The following SLC5A6 variants were observed in gnomAD, a reference collection of about 807,000 sequenced individuals.
SLC5A6 encodes solute carrier family 5 member 6.
In SLC5A6, 31 loss-of-function variants were observed where a neutral mutation model predicts 67.9. The ratio of observed to expected loss-of-function variants is 0.46; its 90% confidence interval spans 0.34 to 0.62. The LOEUF (loss-of-function observed/expected upper bound fraction) is 0.62. Ranked by LOEUF, SLC5A6 falls within the 20% of genes least tolerant of loss-of-function variation. SLC5A6 has a pLI of 0.01. For synonymous variants in SLC5A6, 343 were observed against 331.0 expected (o/e 1.04, Z -0.39); for missense variants, 673 against 812.8 (o/e 0.83, Z 2.09).
rs528496797 is a variant in SLC5A6 at position 27,206,854 on chromosome 2, G to A, written c.459+23C>T. 355 of 1,595,986 alleles carry A rather than the reference G, an allele frequency of 2.2e-4. 1 individual carries two copies. The highest frequency in any genetic ancestry group is 8.3e-4 in the Middle Eastern group (5 of 6,026). On this transcript the variant is annotated intron_variant, in intron 4 of 16. Coordinates refer to ENST00000310574, the MANE Select transcript of SLC5A6 (RefSeq NM_021095.4). ...GGTCCCCCAACATGCCCTAGGCTCG[G>A]TTTCTATCCTCATTCTGCTTACCAT...
chr2:27,204,703 C>T (rs1055964026), intron 8 of SLC5A6, 88 bp downstream of exon 8: 2 of 1,599,766 alleles, frequency 1.3e-6, no homozygotes, highest in African/African-American at 1.3e-5. Flanking sequence ...GATGTGTATG[C>T]ACTCTGGCAT....
At chr2:27,210,414 C>G (rs990459991) in intron 2 of SLC5A6, among the ~76,000 whole-genome samples, 7 of 151,550 alleles carry the variant, frequency 4.6e-5, no homozygotes, top group Non-Finnish European at 1.0e-4. Context: ...AAGGCACAAA[C>G]AGCAGATTGT....
intron 7 of SLC5A6, 77 bp from the exon 8 acceptor site, chr2:27,205,008 G>C: frequency 6.4e-7 from 1 of 1,567,148 alleles, no homozygotes; most frequent in African/African-American, 1.3e-5. Flanking sequence ...ACAGGAGTCA[G>C]TGGACAGGAA....
chr2:27,205,381 C>G lies in SLC5A6; in HGVS notation c.703G>C (p.Ala235Pro). ...VGGLGRVWAV[A>P]SQHGRISGFE... ...CCAGAGATGCGGCCGTGCTGGGAAG[C>G]CACGGCCCACACACGCCCCAAGCCG... Residue 235 changes from alanine to proline, a missense_variant, in exon 7 of 17, where the codon GCT becomes CCT. Coordinates refer to ENST00000310574, the MANE Select transcript of SLC5A6 (RefSeq NM_021095.4). The G allele has an allele frequency of 6.2e-7, 1 of 1,614,128 alleles. No individual in the cohort carries two copies. Among genetic ancestry groups the G allele is most frequent in the Non-Finnish European group, 8.5e-7 (1 of 1,180,008 alleles).
chr2:27,204,690 G>C (rs1673917881), intron 8 of SLC5A6, 100 bp from the exon 9 acceptor site: 15 of 1,590,964 alleles, frequency 9.4e-6, no homozygotes, highest in Admixed American at 1.7e-5. Flanking sequence ...CCTGACCACA[G>C]TGGATGTGTA....
chr2:27,212,373 C>T (rs774303259), upstream of SLC5A6: 3 of 1,550,396 alleles, frequency 1.9e-6, no homozygotes, highest in East Asian at 2.4e-5. Flanking sequence ...CGGAAAATGG[C>T]GCCTCACGAC....
chr2:27,203,207 G>T (rs372963385), intron 11 of SLC5A6, 26 bp downstream of exon 11: 19 of 1,613,712 alleles, frequency 1.2e-5, no homozygotes, highest in African/African-American at 2.7e-5. Context: ...GACCCAGACT[G>T]AAGAGATGAG....
chr2:27,207,490 T>C lies in SLC5A6; in HGVS notation c.161A>G (p.His54Arg), dbSNP rs755179815. Reference protein sequence around the residue: ...LYHACRGWGRHTVGELLMADR... With the variant: ...LYHACRGWGRRTVGELLMADR... The stretch of plus-strand genomic sequence containing the variant: ...CGCCATCAGCAGCTCACCAACAGTA[T>C]GCCGGCCCCAGCCACGACAAGCATG... Residue 54 changes from histidine (H) to arginine (R), a missense_variant, in exon 3 of 17, where the codon CAT becomes CGT. By Grantham distance (29) the His-to-Arg change is conservative (BLOSUM62 0). Coordinates refer to ENST00000310574, the MANE Select transcript of SLC5A6 (RefSeq NM_021095.4). The surrounding 1 kb of genome is among the most constrained non-coding windows in gnomAD (Gnocchi z 5.5). The C allele has an allele frequency of 1.2e-6, 2 of 1,614,162 alleles. No homozygotes were observed. The highest frequency in any genetic ancestry group is 1.7e-6 in the Non-Finnish European group (2 of 1,180,036).
chr2:27,212,603 G>T, upstream of SLC5A6: 1 of 1,437,726 alleles, frequency 7.0e-7, no homozygotes, highest in East Asian at 2.6e-5. Context: ...ACCCTGCCCA[G>T]CCAGGTCCTG....
At chr2:27,202,145 A>G in intron 12 of SLC5A6, 71 bp from the exon 13 acceptor site, 1 of 1,076,240 alleles carries the variant, frequency 9.3e-7, no homozygotes, top group African/African-American at 1.5e-5. Flanking sequence ...ACCATAAAGC[A>G]TAGCCACCAG....
chr2:27,210,855 C>G (rs1229321498), intron 2 of SLC5A6, among the ~76,000 whole-genome samples: 6 of 152,096 alleles, frequency 3.9e-5, no homozygotes, highest in Admixed American at 3.3e-4. Context: ...AACCCCGTCT[C>G]TACTAAAAAA....
upstream of SLC5A6, chr2:27,212,720 C>A (rs988694419): frequency 5.0e-6 from 6 of 1,188,782 alleles, no homozygotes; most frequent in East Asian, 1.5e-4. Context: ...ACTTTAAGTT[C>A]TTTCTACAGA....
In SLC5A6 at chr2:27,201,394, G is replaced by A; in HGVS notation, c.1604C>T (p.Ser535Phe). 1 of 1,613,636 alleles carries A rather than the reference G, an allele frequency of 6.2e-7. No homozygotes were observed. The highest frequency in any genetic ancestry group is 8.5e-7 in the Non-Finnish European group (1 of 1,179,578). ...LSYLWYSAHN[S>F]TTVIVVGLIV... is the part of the protein sequence containing the mutation. ...CAGGCCCACCACAATCACTGTGGTGGAGTTGTGAGCACTGTACCATAAGTA... is the reference window on the plus strand; with the variant it reads ...CAGGCCCACCACAATCACTGTGGTGAAGTTGTGAGCACTGTACCATAAGTA... Residue 535 changes from serine to phenylalanine, a missense_variant, in exon 15 of 17, where the codon TCC (serine) becomes TTC (phenylalanine). Transcript: ENST00000310574.
chr2:27,212,528 T>C, upstream of SLC5A6: 1 of 1,506,156 alleles, frequency 6.6e-7, no homozygotes, highest in East Asian at 2.5e-5. Context: ...TGCGTCGCGC[T>C]CGCCAGCGGC....
chr2:27,206,017 T>C lies in SLC5A6; in HGVS notation c.579+9A>G, dbSNP rs1379663130. 4 of 1,608,016 alleles carry C rather than the reference T, an allele frequency of 2.5e-6. No individual in the cohort carries two copies. The South Asian group carries it at 4.4e-5, about 18-fold the overall frequency. ...TTCCCCTCCCCACACCACGGCTTAC[T>C]GCACTTACCAGAGCTGTATAGACGG... On this transcript the variant is annotated intron_variant, in intron 6 of 16. Transcript: ENST00000310574.
chr2:27,202,146 T>C (rs1018954227), intron 12 of SLC5A6, 72 bp from the exon 13 acceptor site: 4 of 1,060,464 alleles, frequency 3.8e-6, no homozygotes, highest in Middle Eastern at 2.0e-4. Flanking sequence ...CCATAAAGCA[T>C]AGCCACCAGC....
At chr2:27,206,588 G>A (rs1218182917) in intron 4 of SLC5A6, 54 bp from the exon 5 acceptor site, 2 of 1,548,178 alleles carry the variant, frequency 1.3e-6, no homozygotes, top group East Asian at 2.2e-5. Flanking sequence ...GGAAGAGAGA[G>A]GAAGAAAGAT....
intron 6 of SLC5A6, 25 bp from the exon 7 acceptor site, chr2:27,205,529 G>A: frequency 6.2e-7 from 1 of 1,613,440 alleles, no homozygotes; most frequent in Non-Finnish European, 8.5e-7. Flanking sequence ...CAGCAAACCT[G>A]CCACAGAGGC....
chr2:27,205,243 T>G (rs1414548571), intron 7 of SLC5A6, 107 bp downstream of exon 7: 18 of 1,162,464 alleles, frequency 1.5e-5, no homozygotes, highest in East Asian at 7.4e-5. Flanking sequence ...CTGTTACACC[T>G]CAGGCTTCCC....
Sources: allele counts gnomAD v4.1 joint callset (sites outside exome capture counted in the v4.1 genomes callset), GRCh38; gene constraint gnomAD v4.1.1; non-coding constraint Gnocchi (gnomAD v3.1); transcripts MANE v1.5; gene names NCBI Gene and HGNC (gene_info 2026-07-23, HGNC 2026-07-21).